MAPK10: variants seen among roughly 807,000 people sequenced by gnomAD.
MAPK10 encodes the protein JNK3 alpha protein kinase.
MAPK10 carries 25 observed loss-of-function variants against 59.3 expected under a neutral mutation model. That is an observed-to-expected ratio of 0.42 (90% CI 0.31 to 0.59). MAPK10 has a LOEUF of 0.59. MAPK10 is among the 20% of genes least tolerant of loss of function. The pLI, the probability that MAPK10 is intolerant of heterozygous loss-of-function variation, is 0.15. For synonymous variants in MAPK10, 190 were observed against 200.5 expected (o/e 0.95, Z 0.44); for missense variants, 351 against 568.9 (o/e 0.62, Z 3.90).
intron 2 of MAPK10, among the ~76,000 whole-genome samples, chr4:86,196,971 T>G (rs759162321): frequency 6.6e-6 from 1 of 152,214 alleles, no homozygotes; most frequent in Non-Finnish European, 1.5e-5. Context: ...AGCCTTGTAG[T>G]ATAGTTTGAA....
chr4:86,298,039 C>A (rs2095402056), intron 2 of MAPK10, among the ~76,000 whole-genome samples: 1 of 152,180 alleles, frequency 6.6e-6, no homozygotes, highest in Non-Finnish European at 1.5e-5. Flanking sequence ...GTGGTCCTAT[C>A]TGCCTGACGT....
intron 1 of MAPK10, among the ~76,000 whole-genome samples, chr4:86,578,178 GT>G (rs1376411596): frequency 6.6e-6 from 1 of 152,148 alleles, no homozygotes; most frequent in East Asian, 1.9e-4. Context: ...GACATTTTTA[GT>G]TGTTATAGCT....
chr4:86,017,716 T>G lies in MAPK10; in HGVS notation c.1253-346A>C, dbSNP rs923945476. On this transcript the variant is annotated intron_variant, in intron 13 of 13. Coordinates refer to ENST00000641462, the MANE Select transcript of MAPK10 (RefSeq NM_138982.4). The surrounding 1 kb of genome is among the most constrained non-coding windows in gnomAD (Gnocchi z 4.4). ...TGGCCTTGGGTGAGGCCAAGGTATT[T>G]GCATTTTTATTTATTTATTTTTTTT... 1.3e-5 allele frequency among the ~76,000 whole-genome samples: 2 copies of G among 152,152 alleles called. No individual in the cohort carries two copies. Among genetic ancestry groups the G allele is most frequent in the Admixed American group, 6.5e-5 (1 of 15,278 alleles).
chr4:86,122,675 GA>G (rs1275310860), intron 4 of MAPK10, among the ~76,000 whole-genome samples: 4 of 151,970 alleles, frequency 2.6e-5, no homozygotes, highest in Admixed American at 1.3e-4. Context: ...ACACAATTGA[GA>G]TGTTTATGGT....
At chr4:86,257,148 CATGAAT>C (rs2093778395) in intron 2 of MAPK10, among the ~76,000 whole-genome samples, 1 of 152,138 alleles carries the variant, frequency 6.6e-6, no homozygotes, top group East Asian at 1.9e-4. Flanking sequence ...AGGACACTAG[CATGAAT>C]ATATCTCCAA....
At chr4:86,507,057 A>G (rs1755794654) in intron 1 of MAPK10, among the ~76,000 whole-genome samples, 1 of 152,274 alleles carries the variant, frequency 6.6e-6, no homozygotes, top group South Asian at 2.1e-4. Context: ...TATTCCAGGC[A>G]AAGTTTTTAG....
At chr4:86,422,248 A>G (rs2149034178) in intron 1 of MAPK10, among the ~76,000 whole-genome samples, 1 of 152,346 alleles carries the variant, frequency 6.6e-6, no homozygotes, top group African/African-American at 2.4e-5. Context: ...CAAGTAATCT[A>G]CAATATACAG....
At position 86,412,295 on chromosome 4, in the gene MAPK10, G is replaced by T. The variant is rs188256078; in HGVS notation, c.-122+40735C>A. Among the ~76,000 whole-genome samples the T allele has an allele frequency of 9.3e-4, 141 of 152,248 alleles. 1 individual carries two copies. The highest frequency in any genetic ancestry group is 9.7e-4 in the East Asian group (5 of 5,180). On this transcript the variant is annotated intron_variant, in intron 1 of 13. Coordinates refer to the MAPK10 transcript ENST00000361569. ...CTGTTAGTCTGATGGACTTCCCTTT[G>T]TGGGTAACCCTACTTTTCTCTCTGG...
At chr4:86,103,693 AT>A (rs1014529204) in intron 5 of MAPK10, among the ~76,000 whole-genome samples, 8 of 151,266 alleles carry the variant, frequency 5.3e-5, no homozygotes, top group African/African-American at 9.7e-5. Context: ...GTTACTTTAT[AT>A]TTTTTTTTAC....
chr4:86,050,207 T>C (rs1471644280), intron 11 of MAPK10, among the ~76,000 whole-genome samples: 1 of 152,160 alleles, frequency 6.6e-6, no homozygotes, highest in Non-Finnish European at 1.5e-5. Flanking sequence ...ATGTCTGCTA[T>C]AGGATGAGTT....
At chr4:86,569,586 T>C (rs999656041) in intron 1 of MAPK10, among the ~76,000 whole-genome samples, 8 of 152,296 alleles carry the variant, frequency 5.3e-5, no homozygotes, top group African/African-American at 1.9e-4. Flanking sequence ...TAAAAAAATG[T>C]GGTATTATAT....
chr4:86,111,177 A>G (rs1297210107), intron 4 of MAPK10, among the ~76,000 whole-genome samples: 1 of 152,188 alleles, frequency 6.6e-6, no homozygotes, highest in Non-Finnish European at 1.5e-5. Context: ...GCAAACAAAG[A>G]CAATTTGATT....
At chr4:86,543,739 G>A (rs1447320940) in intron 1 of MAPK10, among the ~76,000 whole-genome samples, 1 of 152,144 alleles carries the variant, frequency 6.6e-6, no homozygotes, top group African/African-American at 2.4e-5. Context: ...AAGGGAATTA[G>A]ATTGTGTGGG....
At chr4:86,321,511 C>T (rs536939877) in intron 2 of MAPK10, among the ~76,000 whole-genome samples, 2 of 147,754 alleles carry the variant, frequency 1.4e-5, no homozygotes, top group East Asian at 4.0e-4. Context: ...CGCATATTCT[C>T]ACTCAAAGGT....
intron 2 of MAPK10, among the ~76,000 whole-genome samples, chr4:86,226,452 A>C (rs1197267860): frequency 1.3e-5 from 2 of 152,258 alleles, no homozygotes; most frequent in African/African-American, 4.8e-5. Context: ...TTAAAAGATC[A>C]CTAATTTCAG....
intron 11 of MAPK10, among the ~76,000 whole-genome samples, chr4:86,039,344 G>A (rs2041008947): frequency 6.6e-6 from 1 of 152,120 alleles, no homozygotes; most frequent in South Asian, 2.1e-4. Context: ...AGCACAGCAT[G>A]GAGACAGATA....
chr4:86,034,492 G>C (rs1487558808), intron 11 of MAPK10, among the ~76,000 whole-genome samples: 1 of 152,154 alleles, frequency 6.6e-6, no homozygotes, highest in Non-Finnish European at 1.5e-5. Context: ...CATGGTCACT[G>C]TGAATTAATA....
intron 1 of MAPK10, among the ~76,000 whole-genome samples, chr4:86,372,478 C>T (rs1385106511): frequency 1.3e-5 from 2 of 148,586 alleles, no homozygotes; most frequent in Non-Finnish European, 3.0e-5. Flanking sequence ...GATGACACCA[C>T]TGCACTCCAG....
intron 3 of MAPK10, among the ~76,000 whole-genome samples, chr4:86,162,580 G>A (rs938870606): frequency 1.3e-5 from 2 of 151,960 alleles, no homozygotes; most frequent in African/African-American, 4.8e-5. Context: ...GCATGTGAAC[G>A]CTTCTCTTTA....
Sources: gnomAD v4.1 joint callset for allele counts (sites outside exome capture counted in the v4.1 genomes callset) on GRCh38, gnomAD v4.1.1 for gene constraint, Gnocchi (gnomAD v3.1) non-coding constraint, MANE v1.5 for transcripts, NCBI Gene and HGNC (gene_info 2026-07-23, HGNC 2026-07-21) for gene names.